The following ZFAND3 variants were observed in gnomAD, a reference collection of about 807,000 sequenced individuals.
The protein encoded by ZFAND3 is zinc finger AN1-type containing 3, also known as AN1-type zinc finger protein 3.
In ZFAND3, 10 loss-of-function variants were observed where a neutral mutation model predicts 29.6. The observed-to-expected ratio is 0.34, with a 90% confidence interval of 0.21 to 0.57. ZFAND3 has a LOEUF of 0.57. ZFAND3 is among the 20% of genes least tolerant of loss of function. The pLI, the probability that ZFAND3 is intolerant of heterozygous loss-of-function variation, is 0.86. For missense variants in ZFAND3, 230 were observed against 304.5 expected, an observed-to-expected ratio of 0.76 and a Z score of 1.82; for synonymous variants, 128 against 112.6, an observed-to-expected ratio of 1.14 and a Z score of -0.87.
chr6:37,969,772 C>G (rs1375561295), intron 2 of ZFAND3, among the ~76,000 whole-genome samples: 1 of 152,004 alleles, frequency 6.6e-6, no homozygotes, highest in Admixed American at 6.5e-5. Flanking sequence ...TTTTTTTTCT[C>G]TGTTCCCCTG....
intron 1 of ZFAND3, among the ~76,000 whole-genome samples, chr6:37,823,408 T>G (rs552260472): frequency 6.6e-6 from 1 of 152,188 alleles, no homozygotes; most frequent in African/African-American, 2.4e-5. Context: ...CAGAATGTTT[T>G]GGCTCCGGCA....
In ZFAND3 at chr6:37,871,378, TG is replaced by T. The variant is rs747388936; in HGVS notation, c.71+51363del. On this transcript the variant is annotated intron_variant, in intron 1 of 5. Transcript: ENST00000287218. ...AGAGACTATTTTACTCTTTAATCCTTGAGCATAGTTATAGTAGCTGCTTTAA... is the reference window on the plus strand; with the variant it reads ...AGAGACTATTTTACTCTTTAATCCTTAGCATAGTTATAGTAGCTGCTTTAA... Among the ~76,000 whole-genome samples, 204 of 152,370 alleles carry T rather than the reference TG, an allele frequency of 1.3e-3. 1 individual carries two copies. Among genetic ancestry groups the T allele is most frequent in the Admixed American group, 3.8e-3 (58 of 15,310 alleles).
At chr6:38,057,512 G>A (rs1481227353) in intron 2 of ZFAND3, among the ~76,000 whole-genome samples, 1 of 152,092 alleles carries the variant, frequency 6.6e-6, no homozygotes, top group East Asian at 1.9e-4. Flanking sequence ...TCATGTGCTA[G>A]GTTCTTCATG....
In ZFAND3 at chr6:37,959,221, A is replaced by C. The variant is rs117830146; in HGVS notation, c.112+29222A>C. Among the ~76,000 whole-genome samples, 19 of 152,352 alleles carry C rather than the reference A, an allele frequency of 1.2e-4. 1 individual carries two copies. In the East Asian group the frequency reaches 3.5e-3, roughly 28 times the overall value. ...GCCTAACACAACACAGTGGTTTGTA[A>C]ATCAGGCTCCAGTCTAGTTCTGTGA... On this transcript the variant is annotated intron_variant, in intron 2 of 5. Coordinates refer to ENST00000287218, the MANE Select transcript of ZFAND3 (RefSeq NM_021943.3).
chr6:37,990,823 T>G (rs1762745867), intron 2 of ZFAND3, among the ~76,000 whole-genome samples: 1 of 152,236 alleles, frequency 6.6e-6, no homozygotes, highest in South Asian at 2.1e-4. Context: ...GGTACCAGTT[T>G]AACCAGCACT....
chr6:37,819,794 A>G lies in ZFAND3; in HGVS notation c.-152A>G. ...TGACCGGCCTGGAATCCCGGCTCCG[A>G]GCCCCGGACTCGCGCCCGCCCGCGC... On this transcript the variant is annotated 5_prime_UTR_variant, in exon 1 of 6. Coordinates refer to ENST00000287218, the MANE Select transcript of ZFAND3 (RefSeq NM_021943.3). The G allele has an allele frequency of 2.7e-6, 1 of 374,060 alleles. No individual in the cohort carries two copies. The highest frequency in any genetic ancestry group is 5.8e-5 in the Admixed American group (1 of 17,240). 23.2% of individuals were successfully genotyped at this position (374,060 alleles called of 1,614,324 possible).
intron 4 of ZFAND3, among the ~76,000 whole-genome samples, chr6:38,104,311 G>C (rs532357982): frequency 1.2e-4 from 18 of 150,626 alleles, no homozygotes; most frequent in Middle Eastern, 3.5e-3. Context: ...TCTCGGGGTG[G>C]TTGAGAAGAG....
chr6:37,909,622 T>G (rs1299595093), intron 1 of ZFAND3, among the ~76,000 whole-genome samples: 1 of 41,452 alleles, frequency 2.4e-5, no homozygotes, highest in Non-Finnish European at 5.2e-5. Flanking sequence ...TCAGAATTCT[T>G]TTTTTTTTTT....
chr6:37,982,102 G>A (rs1381699184), intron 2 of ZFAND3, among the ~76,000 whole-genome samples: 1 of 152,070 alleles, frequency 6.6e-6, no homozygotes, highest in East Asian at 1.9e-4. Flanking sequence ...AATCAGATGT[G>A]CGTTTGTCTC....
Position 38,153,982 on chromosome 6 carries a change from C to T in ZFAND3, c.*1593C>T, listed in dbSNP as rs1302180682. ...CCTGCAACTGCAAATGTTTTTTGAT[C>T]CGACGTACTGAAATAGGAAGTCATG... is the stretch of plus-strand genomic sequence containing the variant. On this transcript the variant is annotated 3_prime_UTR_variant, in exon 6 of 6. Transcript: ENST00000287218. 1.7e-5 allele frequency: 17 copies of T among 985,352 alleles called. No individual in the cohort carries two copies. Among genetic ancestry groups the T allele is most frequent in the Non-Finnish European group, 1.8e-5 (15 of 829,938 alleles). The allele number at this position is 985,352 out of a possible 1,614,324, so 61.0% of individuals were successfully genotyped here.
In ZFAND3 at chr6:38,077,714, A is replaced by G. The variant is rs560848416; in HGVS notation, c.296-4678A>G. ...ATAACCAGTCGTCACAGCTATTTTA[A>G]CAAAACTTTTCAGAGTAGATTGTTG... On this transcript the variant is annotated intron_variant, in intron 3 of 5. Coordinates refer to ENST00000287218, the MANE Select transcript of ZFAND3 (RefSeq NM_021943.3). Among the ~76,000 whole-genome samples the G allele has an allele frequency of 3.3e-5, 5 of 152,348 alleles. No individual in the cohort carries two copies. The East Asian group carries it at 9.6e-4, about 29-fold the overall frequency.
chr6:38,133,614 G>T (rs577470348), intron 5 of ZFAND3, among the ~76,000 whole-genome samples: 176 of 152,114 alleles, frequency 1.2e-3, no homozygotes, highest in Non-Finnish European at 1.1e-3. Context: ...GCCGGGCGTG[G>T]TGGCGGGCGC....
chr6:37,925,393 A>G (rs959726618), intron 1 of ZFAND3, among the ~76,000 whole-genome samples: 1 of 152,162 alleles, frequency 6.6e-6, no homozygotes, highest in Non-Finnish European at 1.5e-5. Context: ...GTAAGACTAC[A>G]GGAAGGACGG....
chr6:38,001,882 G>A lies in ZFAND3; in HGVS notation c.113-59711G>A, dbSNP rs184845483. 3.2e-4 allele frequency among the ~76,000 whole-genome samples: 49 copies of A among 152,234 alleles called. No homozygotes were observed. In the East Asian group the frequency reaches 4.8e-3, roughly 15 times the overall value. On this transcript the variant is annotated intron_variant, in intron 2 of 5. Coordinates refer to ENST00000287218, the MANE Select transcript of ZFAND3 (RefSeq NM_021943.3). Reference sequence around the variant, plus strand: ...CAAGAGAATTGAGTTATGGCTGTTGGTCTGTTATCTTTTCTTTTTGTCTTT... The same window carrying A: ...CAAGAGAATTGAGTTATGGCTGTTGATCTGTTATCTTTTCTTTTTGTCTTT...
At chr6:38,114,989 A>G (rs1765389470) in intron 4 of ZFAND3, among the ~76,000 whole-genome samples, 1 of 152,230 alleles carries the variant, frequency 6.6e-6, no homozygotes, top group South Asian at 2.1e-4. Context: ...GGAAGTGCTA[A>G]GAATAGGGAT....
intron 1 of ZFAND3, among the ~76,000 whole-genome samples, chr6:37,844,561 G>A (rs903759668): frequency 3.3e-5 from 5 of 152,078 alleles, no homozygotes; most frequent in Admixed American, 6.5e-5. Flanking sequence ...GATAACAGGC[G>A]TGAGCCACTG....
intron 2 of ZFAND3, among the ~76,000 whole-genome samples, chr6:38,002,290 T>C (rs547140955): frequency 1.3e-3 from 190 of 151,526 alleles, no homozygotes; most frequent in Non-Finnish European, 2.0e-3. Flanking sequence ...CTTTTCTTTT[T>C]TTTTTTTTTT....
chr6:37,867,987 T>G (rs895938609), intron 1 of ZFAND3, among the ~76,000 whole-genome samples: 3 of 152,332 alleles, frequency 2.0e-5, no homozygotes, highest in East Asian at 3.8e-4. Flanking sequence ...ACAGGGTGGT[T>G]GTTAAGACCA....
intron 2 of ZFAND3, among the ~76,000 whole-genome samples, chr6:37,970,898 C>G (rs938552176): frequency 1.3e-5 from 2 of 151,224 alleles, no homozygotes; most frequent in Non-Finnish European, 1.5e-5. Flanking sequence ...GAGCGAGACT[C>G]CGTCTCAAAA....
Sources: gnomAD v4.1 joint callset for allele counts (sites outside exome capture counted in the v4.1 genomes callset) on GRCh38, gnomAD v4.1.1 for gene constraint, MANE v1.5 for transcripts, NCBI Gene and HGNC (gene_info 2026-07-23, HGNC 2026-07-21) for gene names.